The following MIA3 variants were observed in gnomAD, a reference collection of about 807,000 sequenced individuals.
MIA3 encodes the protein transport and Golgi organization protein 1 homolog.
A neutral mutation model predicts 192.4 loss-of-function variants in MIA3; 90 were observed. The observed-to-expected ratio is 0.47, with a 90% CI of 0.39 to 0.56. The LOEUF (loss-of-function observed/expected upper bound fraction) is 0.56. Ranked by LOEUF, MIA3 falls within the 20% of genes least tolerant of loss-of-function variation. The probability of loss-of-function intolerance (pLI) is 0.00; values close to 1 mark genes in which losing one functional copy is unlikely to be tolerated. For missense variants in MIA3, 2,123 were observed against 2,269.4 expected (o/e 0.94, Z 1.31); for synonymous variants, 740 against 792.8 (o/e 0.93, Z 1.12).
chr1:222,640,276 A>G (rs1292097036), intron 6 of MIA3, among the ~76,000 whole-genome samples: 2 of 152,162 alleles, frequency 1.3e-5, no homozygotes, highest in African/African-American at 4.8e-5. Context: ...TTGCATTAAC[A>G]TAGCCCCAAT....
intron 2 of MIA3, among the ~76,000 whole-genome samples, chr1:222,622,362 T>C (rs1033408818): frequency 2.6e-5 from 4 of 152,256 alleles, no homozygotes; most frequent in African/African-American, 7.2e-5. Flanking sequence ...ACTGTGTCTT[T>C]ACTTCAAGTA....
intron 11 of MIA3, among the ~76,000 whole-genome samples, chr1:222,651,271 C>G (rs1663418742): frequency 6.6e-6 from 1 of 151,078 alleles, no homozygotes; most frequent in South Asian, 2.1e-4. Flanking sequence ...TTAGAATGAC[C>G]TAAAAGTTGC....
intron 18 of MIA3, among the ~76,000 whole-genome samples, chr1:222,655,963 C>A (rs2936021): frequency 2.2e-5 from 2 of 89,948 alleles, no homozygotes; most frequent in African/African-American, 4.6e-5. Context: ...CTTTCTTTCC[C>A]TTTTTTTTTT....
chr1:222,628,490 A>G lies in MIA3; in HGVS notation c.1270A>G (p.Lys424Glu). Reference protein sequence around the residue: ...DDDDALVPDSKQGKPQSATDY... With the variant: ...DDDDALVPDSEQGKPQSATDY... The stretch of plus-strand genomic sequence containing the variant: ...TGATGATGCATTAGTCCCAGATAGC[A>G]AACAGGGGAAACCACAGTCAGCAAC... Residue 424 changes from lysine (K) to glutamate (E), a missense_variant, in exon 4 of 28, where the codon AAA becomes GAA. Transcript: ENST00000344922. 1.2e-6 allele frequency: 2 copies of G among 1,613,558 alleles called. No individual in the cohort carries two copies. The highest frequency in any genetic ancestry group is 8.5e-7 in the Non-Finnish European group (1 of 1,179,870).
At position 222,650,890 on chromosome 1, in the gene MIA3, A is replaced by G. The variant is rs759547891; in HGVS notation, c.3896A>G (p.Lys1299Arg). The G allele has an allele frequency of 2.5e-6, 4 of 1,597,992 alleles. No homozygotes were observed. The African/African-American group carries it at 5.4e-5, about 22-fold the overall frequency. ...MLESEREQNV[K>R]NQDLISENKK... Reference sequence around the variant, plus strand: ...GAATCTGAGAGAGAACAGAATGTCAAGAATCAGGACTTGGTAAGAGTTTTG... The same window carrying G: ...GAATCTGAGAGAGAACAGAATGTCAGGAATCAGGACTTGGTAAGAGTTTTG... The change falls in exon 11 of 28, where the codon AAG becomes AGG. Residue 1299 changes from lysine (K) to arginine (R), a missense_variant. Physicochemically the swap from Lys to Arg is conservative, Grantham distance 26. Around this residue, in one of 3 missense-constraint regions of MIA3, gnomAD observed 762 missense variants for 856.4 expected, o/e 0.89. Transcript: ENST00000344922.
In MIA3 at chr1:222,664,252, G is replaced by C. The variant is rs2270707; in HGVS notation, c.5413+104G>C. 4 of 1,226,214 alleles carry C rather than the reference G, an allele frequency of 3.3e-6. No individual in the cohort carries two copies. The Admixed American group carries it at 7.2e-5, about 22-fold the overall frequency. The allele number at this position is 1,226,214 out of a possible 1,614,324, so 76.0% of individuals were successfully genotyped here. ...AATTGCGGGGCTTTGCAATGCAGCA[G>C]TGAAGCTGATTGAGTACACCGTAAC... On this transcript the variant is annotated intron_variant, in intron 27 of 27. Transcript: ENST00000344922.
In MIA3 at chr1:222,618,261, G is replaced by A. The variant is rs989355368; in HGVS notation, c.133+18G>A. 7.2e-7 allele frequency: 1 copy of A among 1,389,718 alleles called. No individual in the cohort carries two copies. Among genetic ancestry groups the A allele is most frequent in the South Asian group, 1.4e-5 (1 of 70,256 alleles). 86.1% of individuals were successfully genotyped at this position (1,389,718 alleles called of 1,614,324 possible). ...ATGCAGCAGTGAGTGCGCTGGAGGG[G>A]CGGCTGGCCTCGGGGCGGCTGGCCT... On this transcript the variant is annotated intron_variant, in intron 1 of 27. Coordinates refer to ENST00000344922, the MANE Select transcript of MIA3 (RefSeq NM_198551.4).
rs556743808 is a variant in MIA3 at position 222,629,483 on chromosome 1, G to A, written c.2263G>A (p.Asp755Asn). 1 of 1,614,134 alleles carries A rather than the reference G, an allele frequency of 6.2e-7. No individual in the cohort carries two copies. The highest frequency in any genetic ancestry group is 2.2e-5 in the East Asian group (1 of 44,888). Residue 755 changes from aspartate (D) to asparagine (N), a missense_variant, in exon 4 of 28, where the codon GAT becomes AAT. Asp to Asn is a conservative substitution (Grantham distance 23, BLOSUM62 1). Transcript: ENST00000344922. ...KNPGNQGRQFDVNLQVPDRAV... is the reference protein window; with the variant it reads ...KNPGNQGRQFNVNLQVPDRAV... ...CCCTGGGAATCAGGGCAGGCAGTTT[G>A]ATGTTAATCTGCAAGTCCCTGACAG... is the stretch of plus-strand genomic sequence containing the variant.
rs143271787 is a variant in MIA3 at position 222,630,979 on chromosome 1, C to T, written c.3169+590C>T. Among the ~76,000 whole-genome samples the T allele has an allele frequency of 5.9e-5, 9 of 152,246 alleles. No individual in the cohort carries two copies. The East Asian group carries it at 1.4e-3, about 23-fold the overall frequency. On this transcript the variant is annotated intron_variant, in intron 4 of 27. Coordinates refer to ENST00000344922, the MANE Select transcript of MIA3 (RefSeq NM_198551.4). ...GGAAGCCATTCAGTTGAATTAACCC[C>T]GAGCCAATATCCTGACATAAGCATT... is the stretch of plus-strand genomic sequence containing the variant.
intron 8 of MIA3, chr1:222,649,424 C>T (rs982970783): frequency 6.6e-6 from 1 of 152,280 alleles, no homozygotes; most frequent in Non-Finnish European, 1.5e-5. Flanking sequence ...CATCCTTATT[C>T]TTGTTAGCAG....
At chr1:222,634,307 C>T (rs1021653450) in intron 6 of MIA3, among the ~76,000 whole-genome samples, 1 of 151,904 alleles carries the variant, frequency 6.6e-6, no homozygotes, top group South Asian at 2.1e-4. Flanking sequence ...AGCGACAGAG[C>T]AAGACCCTGC....
At position 222,645,668 on chromosome 1, in the gene MIA3, T is replaced by C. The variant is rs932040173; in HGVS notation, c.3592T>C (p.Trp1198Arg). Residue 1198 changes from tryptophan (W) to arginine (R), a missense_variant, in exon 7 of 28, where the codon TGG (tryptophan) becomes CGG (arginine). Physicochemically the swap from Trp to Arg is moderately radical, Grantham distance 101. Transcript: ENST00000344922. ...AATTGCTTCGTTTGCCATTTTCTTA[T>C]GGAGAACTGTCCTTGTTGTGAGTAA... ...LGIASFAIFL[W>R]RTVLVVKDRV... 1.2e-6 allele frequency: 2 copies of C among 1,614,012 alleles called. No individual in the cohort carries two copies. The highest frequency in any genetic ancestry group is 1.1e-5 in the South Asian group (1 of 91,058).
chr1:222,639,065 T>C (rs1270390476), intron 6 of MIA3, among the ~76,000 whole-genome samples: 1 of 152,050 alleles, frequency 6.6e-6, no homozygotes, highest in Non-Finnish European at 1.5e-5. Context: ...ATAGCAGCAA[T>C]CAGAGAGACA....
intron 1 of MIA3, 90 bp downstream of exon 1, chr1:222,618,333 G>C (rs1329755844): frequency 8.2e-7 from 1 of 1,217,790 alleles, no homozygotes; most frequent in East Asian, 3.3e-5. Flanking sequence ...CGCCGCCTGG[G>C]CTGTGCGGGG....
chr1:222,664,208 C>T, intron 27 of MIA3, 60 bp downstream of exon 27: 1 of 1,569,750 alleles, frequency 6.4e-7, no homozygotes, highest in Non-Finnish European at 8.8e-7. Context: ...CTCCATCTAT[C>T]CCTTGCTAAA....
rs191731631 is a variant in MIA3 at position 222,649,952 on chromosome 1, C to T, written c.3632-340C>T. On this transcript the variant is annotated intron_variant, in intron 8 of 27. Transcript: ENST00000344922. ...GGGAGCAGGAGCAAGAGAGAGTGAG[C>T]GGGGAGGTGCTGCACACTTTTAAAA... Among the ~76,000 whole-genome samples, 48 of 152,190 alleles carry T rather than the reference C, an allele frequency of 3.2e-4. 1 individual carries two copies. In the East Asian group the frequency reaches 8.1e-3, roughly 26 times the overall value.
chr1:222,645,189 T>G (rs962506491), intron 6 of MIA3, among the ~76,000 whole-genome samples: 6 of 152,226 alleles, frequency 3.9e-5, no homozygotes, highest in African/African-American at 1.4e-4. Flanking sequence ...ATATAAAAGG[T>G]TTTTTGTCTT....
intron 18 of MIA3, among the ~76,000 whole-genome samples, chr1:222,656,235 G>A (rs1014183491): frequency 6.6e-6 from 1 of 151,906 alleles, no homozygotes; most frequent in Non-Finnish European, 1.5e-5. Context: ...GCCTCCCAAA[G>A]TGCTGGGATT....
In MIA3 at chr1:222,630,344, G is replaced by A; in HGVS notation, c.3124G>A (p.Val1042Met). ...CACAGCAGAGGAGACAGCCACACTG[G>A]TGATGGCACCACCTCTAGAGGAAGG... Reference protein sequence around the residue: ...HSTAEETATLVMAPPLEEGLG... With the variant: ...HSTAEETATLMMAPPLEEGLG... The change falls in exon 4 of 28, where the codon GTG (valine) becomes ATG (methionine). Residue 1042 changes from valine (V) to methionine (M), a missense_variant. By Grantham distance (21) the Val-to-Met change is conservative. Coordinates refer to ENST00000344922, the MANE Select transcript of MIA3 (RefSeq NM_198551.4). 2 of 1,613,554 alleles carry A rather than the reference G, an allele frequency of 1.2e-6. No homozygotes were observed. The highest frequency in any genetic ancestry group is 1.7e-6 in the Non-Finnish European group (2 of 1,179,714).
Sources: allele counts gnomAD v4.1 joint callset (sites outside exome capture counted in the v4.1 genomes callset), GRCh38; gene constraint gnomAD v4.1.1; regional missense constraint gnomAD v4.1.1; transcripts MANE v1.5; gene names NCBI Gene and HGNC (gene_info 2026-07-23, HGNC 2026-07-21).